PDCD6IP: variants seen among roughly 807,000 people sequenced by gnomAD.
PDCD6IP encodes the protein programmed cell death 6-interacting protein.
PDCD6IP carries 43 observed loss-of-function variants against 103.7 expected under a neutral mutation model. That is an observed-to-expected ratio of 0.41 (90% CI 0.32 to 0.53). The LOEUF (loss-of-function observed/expected upper bound fraction) is 0.53. PDCD6IP is among the 20% of genes least tolerant of loss of function. The probability of loss-of-function intolerance (pLI) is 0.16; values close to 1 mark genes in which losing one functional copy is unlikely to be tolerated. For missense variants in PDCD6IP, 871 were observed against 1,036.7 expected (o/e 0.84, Z 2.20); for synonymous variants, 354 against 378.7 (o/e 0.93, Z 0.76).
intron 15 of PDCD6IP, among the ~76,000 whole-genome samples, chr3:33,856,397 A>G (rs375880527): frequency 3.9e-5 from 6 of 152,296 alleles, no homozygotes; most frequent in African/African-American, 9.6e-5. Flanking sequence ...CAAAGGGCGA[A>G]TAAACACTAA....
intron 1 of PDCD6IP, chr3:33,799,198 G>A (rs1223722210): frequency 1.8e-6 from 1 of 553,860 alleles, no homozygotes; most frequent in South Asian, 2.5e-5. Context: ...ATACCTGGGA[G>A]CAGCAGTCTG....
At chr3:33,840,339 G>A (rs1559788781) in intron 9 of PDCD6IP, among the ~76,000 whole-genome samples, 1 of 152,160 alleles carries the variant, frequency 6.6e-6, no homozygotes, top group Non-Finnish European at 1.5e-5. Context: ...AGGAAGAGGC[G>A]GAAGGAGGGT....
intron 3 of PDCD6IP, among the ~76,000 whole-genome samples, chr3:33,817,219 C>T (rs1696873759): frequency 6.6e-6 from 1 of 152,158 alleles, no homozygotes; most frequent in Non-Finnish European, 1.5e-5. Flanking sequence ...TCATACAGAA[C>T]TCAGAGTAAT....
intron 15 of PDCD6IP, among the ~76,000 whole-genome samples, chr3:33,860,463 C>G (rs1248700101): frequency 6.6e-6 from 1 of 152,010 alleles, no homozygotes; most frequent in Non-Finnish European, 1.5e-5. Context: ...CTGCGTACAC[C>G]CAGGCAACCA....
chr3:33,836,021 G>C (rs779614186), intron 7 of PDCD6IP, 23 bp from the exon 8 acceptor site: 2 of 1,063,412 alleles, frequency 1.9e-6, no homozygotes, highest in African/African-American at 3.3e-5. Flanking sequence ...TTTTTTTTTT[G>C]TTGTTGACGT....
At chr3:33,864,863 ATTATT>A (rs371655225) in intron 16 of PDCD6IP, among the ~76,000 whole-genome samples, 3 of 152,340 alleles carry the variant, frequency 2.0e-5, no homozygotes, top group Admixed American at 6.5e-5. Context: ...TAGATGTGTG[ATTATT>A]TTATATACTA....
At chr3:33,828,299 A>G (rs2125558255) in intron 6 of PDCD6IP, among the ~76,000 whole-genome samples, 1 of 152,278 alleles carries the variant, frequency 6.6e-6, no homozygotes, top group African/African-American at 2.4e-5. Context: ...AATCATTTTT[A>G]TATGGCTAAA....
intron 15 of PDCD6IP, among the ~76,000 whole-genome samples, chr3:33,861,645 G>C (rs545260917): frequency 6.6e-6 from 1 of 152,326 alleles, no homozygotes; most frequent in African/African-American, 2.4e-5. Flanking sequence ...TTTCCAACGT[G>C]ATTGTACTAA....
intron 1 of PDCD6IP, among the ~76,000 whole-genome samples, chr3:33,799,859 G>A (rs1696430123): frequency 1.3e-5 from 2 of 152,084 alleles, no homozygotes; most frequent in South Asian, 2.1e-4. Flanking sequence ...GGTGGCTCAC[G>A]CCTGTAATCC....
chr3:33,865,825 T>G (rs1370361024), intron 17 of PDCD6IP, among the ~76,000 whole-genome samples: 1 of 152,212 alleles, frequency 6.6e-6, no homozygotes, highest in Admixed American at 6.5e-5. Flanking sequence ...AATAGAAATT[T>G]ATCTAATTAT....
chr3:33,845,246 T>C (rs1224397382), intron 11 of PDCD6IP, among the ~76,000 whole-genome samples, 173 bp from the exon 12 acceptor site: 1 of 152,212 alleles, frequency 6.6e-6, no homozygotes, highest in Non-Finnish European at 1.5e-5. Context: ...TTGTCATCTT[T>C]CTAAAAACGA....
At position 33,828,957 on chromosome 3, in the gene PDCD6IP, T is replaced by G; in HGVS notation, c.822T>G (p.Ile274Met). The change falls in exon 7 of 18, where the codon ATT becomes ATG. Residue 274 changes from isoleucine to methionine, a missense_variant. Ile to Met is a conservative substitution (Grantham distance 10). Around this residue, in one of 5 missense-constraint regions of PDCD6IP, gnomAD observed 242 missense variants for 250.7 expected, o/e 0.97. Transcript: ENST00000307296. ...AKQQKKFGEE[I>M]ARLQHAAELI... ...AGCAGAAGAAATTTGGAGAAGAAAT[T>G]GCAAGGTTACAGGTGAGTCTCTTGG... 1 of 1,608,770 alleles carries G rather than the reference T, an allele frequency of 6.2e-7. No homozygotes were observed. The highest frequency in any genetic ancestry group is 8.5e-7 in the Non-Finnish European group (1 of 1,177,086).
At chr3:33,806,627 C>T (rs372510909) in intron 1 of PDCD6IP, among the ~76,000 whole-genome samples, 1 of 152,200 alleles carries the variant, frequency 6.6e-6, no homozygotes, top group Non-Finnish European at 1.5e-5. Flanking sequence ...ACAAAACTTG[C>T]AGCCTAGGTC....
At chr3:33,858,267 G>A (rs1040412024) in intron 15 of PDCD6IP, among the ~76,000 whole-genome samples, 11 of 152,178 alleles carry the variant, frequency 7.2e-5, no homozygotes, top group African/African-American at 2.7e-4. Flanking sequence ...GCTTGAGCAA[G>A]TTAAAAAACA....
intron 7 of PDCD6IP, among the ~76,000 whole-genome samples, chr3:33,830,786 A>G (rs777513189): frequency 6.6e-6 from 1 of 152,174 alleles, no homozygotes; most frequent in Non-Finnish European, 1.5e-5. Context: ...GGCATGAAAT[A>G]TTTTTTAATT....
intron 5 of PDCD6IP, 30 bp from the exon 6 acceptor site, chr3:33,826,450 T>G: frequency 6.7e-7 from 1 of 1,491,804 alleles, no homozygotes; most frequent in East Asian, 2.3e-5. Context: ...TCATATTTAT[T>G]TTAATTATAA....
chr3:33,826,095 G>A (rs1697118063), intron 5 of PDCD6IP, among the ~76,000 whole-genome samples: 1 of 152,120 alleles, frequency 6.6e-6, no homozygotes, highest in African/African-American at 2.4e-5. Context: ...GGAAGAAATA[G>A]GAATTGGAAT....
chr3:33,820,929 C>T (rs1360193954), intron 3 of PDCD6IP, among the ~76,000 whole-genome samples: 1 of 152,134 alleles, frequency 6.6e-6, no homozygotes, highest in Non-Finnish European at 1.5e-5. Context: ...AGTGGAATTG[C>T]TGGATAAAAT....
At chr3:33,862,833 T>G (rs1355344884) in intron 15 of PDCD6IP, among the ~76,000 whole-genome samples, 2 of 152,114 alleles carry the variant, frequency 1.3e-5, no homozygotes, top group Non-Finnish European at 2.9e-5. Context: ...TGTTAGGAGT[T>G]TTTTAAATCC....
Sources: allele counts gnomAD v4.1 joint callset (sites outside exome capture counted in the v4.1 genomes callset), GRCh38; gene constraint gnomAD v4.1.1; regional missense constraint gnomAD v4.1.1; transcripts MANE v1.5; gene names NCBI Gene and HGNC (gene_info 2026-07-23, HGNC 2026-07-21).